Variants in DYM observed in about 807,000 individuals in gnomAD.
DYM encodes the protein dyggve-Melchior-Clausen syndrome protein.
A neutral mutation model predicts 93.1 loss-of-function variants in DYM; 78 were observed. The observed-to-expected ratio is 0.84, with a 90% CI of 0.70 to 1.01. The LOEUF (loss-of-function observed/expected upper bound fraction) is 1.01, where lower values mean the gene tolerates loss of function less well. Among genes scored for constraint, DYM ranks in the 50% least tolerant of loss-of-function variants. The pLI is 0.00. For missense variants in DYM, 789 were observed against 845.0 expected (o/e 0.93, Z 0.82); for synonymous variants, 321 against 319.7 (o/e 1.00, Z -0.04).
chr18:49,244,044 T>C (rs538286251), intron 13 of DYM, among the ~76,000 whole-genome samples: 18 of 152,302 alleles, frequency 1.2e-4, no homozygotes, highest in Admixed American at 9.8e-4. Flanking sequence ...GAGTGTCACA[T>C]TGAGTTCCTA....
At chr18:49,314,827 A>C (rs1285048252) in intron 8 of DYM, among the ~76,000 whole-genome samples, 2 of 152,224 alleles carry the variant, frequency 1.3e-5, no homozygotes, top group Non-Finnish European at 2.9e-5. Context: ...AAGTTATACC[A>C]AGAATCCCAA....
intron 16 of DYM, among the ~76,000 whole-genome samples, chr18:49,106,073 T>C (rs1568429477): frequency 6.6e-6 from 1 of 152,216 alleles, no homozygotes; most frequent in Admixed American, 6.5e-5. Context: ...AAGGACTTGC[T>C]TTATGAATCT....
At chr18:49,193,466 C>T (rs1440729022) in intron 14 of DYM, among the ~76,000 whole-genome samples, 2 of 152,104 alleles carry the variant, frequency 1.3e-5, no homozygotes, top group Non-Finnish European at 2.9e-5. Context: ...ACGTGTGATG[C>T]CAGTTTAAGA....
chr18:49,213,281 A>G (rs1480735308), intron 13 of DYM, among the ~76,000 whole-genome samples: 1 of 151,876 alleles, frequency 6.6e-6, no homozygotes, highest in Non-Finnish European at 1.5e-5. Flanking sequence ...ACATTTCCAT[A>G]GGAACTTTTT....
chr18:49,080,526 C>T (rs1292498206), intron 17 of DYM, among the ~76,000 whole-genome samples: 4 of 142,932 alleles, frequency 2.8e-5, no homozygotes, highest in Non-Finnish European at 4.6e-5. Flanking sequence ...CCTCACTTCC[C>T]AGTAGGGGCG....
At chr18:49,098,979 T>C (rs1452784698) in intron 16 of DYM, among the ~76,000 whole-genome samples, 1 of 152,216 alleles carries the variant, frequency 6.6e-6, no homozygotes, top group Non-Finnish European at 1.5e-5. Context: ...ATAGTTTTTC[T>C]GAGAAAAGAA....
At chr18:49,296,301 T>C (rs563064997) in intron 8 of DYM, among the ~76,000 whole-genome samples, 1 of 152,338 alleles carries the variant, frequency 6.6e-6, no homozygotes, top group Non-Finnish European at 1.5e-5. Flanking sequence ...TCAAAGTTGA[T>C]TTCTTTCAAG....
At chr18:49,435,305 GTTA>G (rs1174394734) in intron 1 of DYM, among the ~76,000 whole-genome samples, 1 of 150,154 alleles carries the variant, frequency 6.7e-6, no homozygotes, top group Admixed American at 6.7e-5. Flanking sequence ...GGAATGCTTT[GTTA>G]TTATAAGGTA....
chr18:49,080,726 G>GCTGCAATCTC (rs1418622474), intron 17 of DYM, among the ~76,000 whole-genome samples: 2 of 147,512 alleles, frequency 1.4e-5, no homozygotes, highest in South Asian at 2.2e-4. Context: ...CCGGGCAGAG[G>GCTGCAATCTC]GGCTCCTCAC....
chr18:49,133,125 T>C (rs925455821), intron 15 of DYM, among the ~76,000 whole-genome samples: 1 of 152,192 alleles, frequency 6.6e-6, no homozygotes, highest in African/African-American at 2.4e-5. Flanking sequence ...AGAAAGGAGA[T>C]GGCATTCTCA....
intron 17 of DYM, among the ~76,000 whole-genome samples, chr18:49,066,823 G>A (rs2076428885): frequency 6.6e-6 from 1 of 151,952 alleles, no homozygotes; most frequent in Non-Finnish European, 1.5e-5. Context: ...CAGCTTACAA[G>A]GTGGCTATCA....
intron 15 of DYM, among the ~76,000 whole-genome samples, chr18:49,146,466 C>G (rs1191989604): frequency 6.6e-6 from 1 of 152,176 alleles, no homozygotes; most frequent in Non-Finnish European, 1.5e-5. Context: ...AGCACAAAAT[C>G]TCCTTAAACT....
At chr18:49,256,287 C>A (rs1268444318) in intron 13 of DYM, among the ~76,000 whole-genome samples, 1 of 151,908 alleles carries the variant, frequency 6.6e-6, no homozygotes, top group Non-Finnish European at 1.5e-5. Context: ...CAGGAAGGGT[C>A]CAGGAAATCA....
intron 16 of DYM, among the ~76,000 whole-genome samples, chr18:49,099,192 A>G (rs1460577392): frequency 6.6e-6 from 1 of 152,238 alleles, no homozygotes; most frequent in Non-Finnish European, 1.5e-5. Context: ...CATATGCTTT[A>G]GGCTTACTGA....
At chr18:49,421,096 G>A (rs1568415557) in intron 2 of DYM, among the ~76,000 whole-genome samples, 1 of 152,202 alleles carries the variant, frequency 6.6e-6, no homozygotes, top group African/African-American at 2.4e-5. Context: ...ACAAAAGGCA[G>A]CAGAAAGTTC....
At chr18:49,206,610 T>C (rs900956297) in intron 14 of DYM, 4 of 152,216 alleles carry the variant, frequency 2.6e-5, no homozygotes, top group African/African-American at 9.7e-5. Flanking sequence ...CTGTCCTGAA[T>C]AGAACAGTGT....
rs1024893750 is a variant in DYM at position 49,232,712 on chromosome 18, G to A, written c.1461-22997C>T. ...CAACCTCTGCGTCCCGGGTTCAAGCGATTCTCCTGCCTCAGCCTCTCAAGT... is the reference window on the plus strand; with the variant it reads ...CAACCTCTGCGTCCCGGGTTCAAGCAATTCTCCTGCCTCAGCCTCTCAAGT... On this transcript the variant is annotated intron_variant, in intron 13 of 17. Coordinates refer to ENST00000675505, the MANE Select transcript of DYM (RefSeq NM_001353214.3). 8.1e-5 allele frequency among the ~76,000 whole-genome samples: 12 copies of A among 147,374 alleles called. No individual in the cohort carries two copies. In the East Asian group the frequency reaches 2.5e-3, roughly 30 times the overall value.
intron 8 of DYM, among the ~76,000 whole-genome samples, chr18:49,289,817 ATATT>A (rs1568182180): frequency 1.5e-5 from 2 of 134,356 alleles, no homozygotes; most frequent in African/African-American, 2.9e-5. Context: ...ATACACATAT[ATATT>A]TATTTATATA....
chr18:49,075,721 G>A (rs935773995), intron 17 of DYM, among the ~76,000 whole-genome samples: 4 of 152,180 alleles, frequency 2.6e-5, no homozygotes, highest in Non-Finnish European at 5.9e-5. Flanking sequence ...TTACTACTGT[G>A]AGTCTTGGAA....
Sources: allele counts gnomAD v4.1 joint callset (sites outside exome capture counted in the v4.1 genomes callset), GRCh38; gene constraint gnomAD v4.1.1; transcripts MANE v1.5; gene names NCBI Gene and HGNC (gene_info 2026-07-23, HGNC 2026-07-21).